Variants in PTPRJ observed in about 807,000 individuals in gnomAD.
PTPRJ encodes receptor-type tyrosine-protein phosphatase eta.
PTPRJ carries 129 observed loss-of-function variants against 141.3 expected under a neutral mutation model. The observed-to-expected ratio is 0.91, with a 90% CI of 0.79 to 1.06. The LOEUF is 1.06. Ranked by LOEUF, PTPRJ falls within the 50% of genes least tolerant of loss-of-function variation. The pLI is 0.00. For synonymous variants in PTPRJ, 610 were observed against 640.5 expected, an observed-to-expected ratio of 0.95 and a Z score of 0.72; for missense variants, 1,601 against 1,679.7, an observed-to-expected ratio of 0.95 and a Z score of 0.82.
intron 22 of PTPRJ, among the ~76,000 whole-genome samples, chr11:48,162,406 C>T (rs956895723): frequency 3.3e-5 from 5 of 151,062 alleles, no homozygotes; most frequent in African/African-American, 9.8e-5. Context: ...CCTCCCTCTC[C>T]CTCCCTTTTT....
rs35643138 is a variant in PTPRJ, at chr11:48,106,763, CTTTTTTTT to C, written c.97-3279_97-3272del. ...CTTCTTTTCTTTTCTTTCTTTCTTT[CTTTTTTTT>C]TTTTTTTTTTTTTTTAAGACAGAGT... On this transcript the variant is annotated intron_variant, in intron 1 of 24. Coordinates refer to ENST00000418331, the MANE Select transcript of PTPRJ (RefSeq NM_002843.4). 9.0e-3 allele frequency among the ~76,000 whole-genome samples: 777 copies of C among 86,448 alleles called. 5 individuals are homozygous for C. The highest frequency in any genetic ancestry group is 0.014 in the Non-Finnish European group (608 of 43,514). The allele number at this position is 86,448 out of a possible 152,430, so 56.7% of individuals were successfully genotyped here. A position where few individuals can be genotyped will look rare whatever the true frequency, so the allele number is the denominator to read the frequency against.
chr11:47,981,163 C>T (rs1008755095), intron 1 of PTPRJ, among the ~76,000 whole-genome samples, 155 bp downstream of exon 1: 2 of 152,020 alleles, frequency 1.3e-5, no homozygotes, highest in Admixed American at 1.3e-4. Flanking sequence ...GGGACCCCGG[C>T]CGGCCTCGCA....
At chr11:48,132,578 G>C (rs752907694) in intron 8 of PTPRJ, 12 of 967,066 alleles carry the variant, frequency 1.2e-5, no homozygotes, top group Non-Finnish European at 1.5e-5. Flanking sequence ...GTAGAATAAA[G>C]ATATACCTAA....
chr11:48,141,240 T>TAG (rs1857223341), intron 11 of PTPRJ, among the ~76,000 whole-genome samples: 1 of 151,774 alleles, frequency 6.6e-6, no homozygotes, highest in Admixed American at 6.6e-5. Flanking sequence ...TGAATTTAGG[T>TAG]AGAGAGAGAG....
intron 1 of PTPRJ, among the ~76,000 whole-genome samples, chr11:48,010,835 CTATTATTAT>C (rs377559025): frequency 1.3e-5 from 2 of 151,370 alleles, no homozygotes; most frequent in East Asian, 1.9e-4. Flanking sequence ...CATGCCTGGC[CTATTATTAT>C]TATTATTATT....
chr11:48,009,586 ACT>A (rs1854723322), intron 1 of PTPRJ, among the ~76,000 whole-genome samples: 1 of 152,038 alleles, frequency 6.6e-6, no homozygotes, highest in African/African-American at 2.4e-5. Flanking sequence ...ATAGAGCGAG[ACT>A]CTGTCTCAAA....
Position 48,150,184 on chromosome 11 carries a change from G to C in PTPRJ, c.3138+1G>C, listed in dbSNP as rs746094020. On this transcript the variant is annotated splice_donor_variant, in intron 18 of 24. Coordinates refer to ENST00000418331, the MANE Select transcript of PTPRJ (RefSeq NM_002843.4). LOFTEE classifies it high-confidence loss of function. ...CTGTGGGTTCGCAGAGGAATACGAA[G>C]TATGTTGCTGTAAATACTGTTTTTA... 1 of 1,612,572 alleles carries C rather than the reference G, an allele frequency of 6.2e-7. No individual in the cohort carries two copies. The highest frequency in any genetic ancestry group is 8.5e-7 in the Non-Finnish European group (1 of 1,178,864).
At chr11:48,055,236 T>C (rs1362326854) in intron 1 of PTPRJ, among the ~76,000 whole-genome samples, 1 of 152,072 alleles carries the variant, frequency 6.6e-6, no homozygotes, top group Non-Finnish European at 1.5e-5. Flanking sequence ...TGGCACATGG[T>C]AGGCCCTCAA....
chr11:48,088,475 G>A (rs1221545010), intron 1 of PTPRJ, among the ~76,000 whole-genome samples: 2 of 152,190 alleles, frequency 1.3e-5, no homozygotes, highest in Non-Finnish European at 2.9e-5. Flanking sequence ...GGCTGCATAT[G>A]TTTGCAGAAG....
chr11:48,077,914 G>A (rs1855450316), intron 1 of PTPRJ, among the ~76,000 whole-genome samples: 1 of 152,182 alleles, frequency 6.6e-6, no homozygotes, highest in Non-Finnish European at 1.5e-5. Context: ...CCTGCAAATT[G>A]TATCCTGCCC....
chr11:48,136,937 G>A, intron 9 of PTPRJ, 66 bp from the exon 10 acceptor site: 2 of 1,431,694 alleles, frequency 1.4e-6, no homozygotes, highest in Admixed American at 2.0e-5. Flanking sequence ...TTTGGATATA[G>A]TAAATAGTCC....
chr11:48,029,821 G>A (rs113444176), intron 1 of PTPRJ, among the ~76,000 whole-genome samples: 7 of 152,250 alleles, frequency 4.6e-5, no homozygotes, highest in Admixed American at 1.3e-4. Context: ...CTTTAGCTGC[G>A]TAAGAGAAAG....
intron 22 of PTPRJ, among the ~76,000 whole-genome samples, chr11:48,160,711 C>T (rs1349577580): frequency 6.6e-6 from 1 of 152,084 alleles, no homozygotes; most frequent in Non-Finnish European, 1.5e-5. Context: ...TGAGACTATC[C>T]TAAGGAAATA....
chr11:48,083,120 T>G (rs1276570254), intron 1 of PTPRJ, among the ~76,000 whole-genome samples: 1 of 152,140 alleles, frequency 6.6e-6, no homozygotes, highest in Admixed American at 6.5e-5. Flanking sequence ...CTGCAAGCAT[T>G]TTGGTATTAA....
chr11:48,054,013 G>A (rs1854684373), intron 1 of PTPRJ, among the ~76,000 whole-genome samples: 1 of 144,572 alleles, frequency 6.9e-6, no homozygotes, highest in Admixed American at 7.1e-5. Context: ...GCTCACTGCA[G>A]CCTCTGCCTT....
intron 15 of PTPRJ, among the ~76,000 whole-genome samples, chr11:48,148,209 G>C (rs1857398242): frequency 6.6e-6 from 1 of 152,116 alleles, no homozygotes; most frequent in Non-Finnish European, 1.5e-5. Context: ...CAGTTTTATT[G>C]TTTCTTGTTA....
intron 1 of PTPRJ, chr11:48,015,693 A>C (rs1854930826): frequency 6.6e-6 from 1 of 151,874 alleles, no homozygotes; most frequent in Admixed American, 6.6e-5. Context: ...TGTGGCCAGC[A>C]TGGTGAAATT....
At chr11:47,985,830 A>G (rs568178741) in intron 1 of PTPRJ, among the ~76,000 whole-genome samples, 1 of 152,244 alleles carries the variant, frequency 6.6e-6, no homozygotes, top group South Asian at 2.1e-4. Flanking sequence ...CCTGCTGAGT[A>G]GCTGGGATTA....
intron 12 of PTPRJ, among the ~76,000 whole-genome samples, chr11:48,143,269 G>A (rs1252262564): frequency 6.6e-6 from 1 of 152,240 alleles, no homozygotes; most frequent in East Asian, 1.9e-4. Flanking sequence ...AGCTTTGCAG[G>A]TGGTATAGAG....
Sources: gnomAD v4.1 joint callset for allele counts (sites outside exome capture counted in the v4.1 genomes callset) on GRCh38, gnomAD v4.1.1 for gene constraint, MANE v1.5 for transcripts, NCBI Gene and HGNC (gene_info 2026-07-23, HGNC 2026-07-21) for gene names.